Variants in AP5B1 observed in about 807,000 individuals in gnomAD.
AP5B1 encodes AP-5 complex subunit beta-1.
Under a neutral mutation model 5.7 loss-of-function variants are expected in AP5B1, and 3 were observed. The observed-to-expected ratio is 0.53, with a 90% CI of 0.24 to 1.36. The LOEUF is 1.36. Ranked by LOEUF, AP5B1 falls within the 40% of genes most tolerant of loss-of-function variation. The pLI is 0.17. For missense variants in AP5B1, 1,310 were observed against 1,143.2 expected (o/e 1.15, Z -2.10); for synonymous variants, 696 against 555.5 (o/e 1.25, Z -3.56).
At position 65,778,287 on chromosome 11, in the gene AP5B1, C is replaced by A. The variant is rs759998248; in HGVS notation, c.2206G>T (p.Ala736Ser). ...TAAAGGGCATGGACATCCAGCCGTGCGGGGGCCGGGCATCGGGGCTGCAGA... is the reference window on the plus strand; with the variant it reads ...TAAAGGGCATGGACATCCAGCCGTGAGGGGGCCGGGCATCGGGGCTGCAGA... The part of the protein sequence containing the change: ...LPLQPRCPAP[A>S]RLDVHALYTT... Residue 736 changes from alanine (A) to serine (S), a missense_variant, in exon 2 of 2, where the codon GCA becomes TCA. Physicochemically the swap from Ala to Ser is moderately conservative, Grantham distance 99. Transcript: ENST00000532090. 1.9e-6 allele frequency: 3 copies of A among 1,613,036 alleles called. No individual in the cohort carries two copies.
chr11:65,777,297 T>A lies in AP5B1; in HGVS notation c.*559A>T, dbSNP rs1857776539. The A allele has an allele frequency of 6.5e-6, 1 of 152,864 alleles. No homozygotes were observed. The highest frequency in any genetic ancestry group is 1.5e-5 in the Non-Finnish European group (1 of 68,614). 9.5% of individuals were successfully genotyped at this position (152,864 alleles called of 1,614,324 possible). A position where few individuals can be genotyped will look rare whatever the true frequency, so the allele number is the denominator to read the frequency against. On this transcript the variant is annotated 3_prime_UTR_variant, in exon 2 of 2. Transcript: ENST00000532090. ...TCTGGAGAGCACTAGTGTGTCTGGG[T>A]GAGAAGGAACTCTGTAGCTCTACAG...
Position 65,780,561 on chromosome 11 carries a change from G to A in AP5B1, c.31C>T (p.Gln11Ter). 1.3e-6 allele frequency: 2 copies of A among 1,490,628 alleles called. No homozygotes were observed. Among genetic ancestry groups the A allele is most frequent in the Non-Finnish European group, 1.8e-6 (2 of 1,125,300 alleles). 92.3% of individuals were successfully genotyped at this position (1,490,628 alleles called of 1,614,324 possible). A position where few individuals can be genotyped will look rare whatever the true frequency, so the allele number is the denominator to read the frequency against. Reference sequence around the variant, plus strand: ...CTGGCCCGGAAGGCCCCCAAGCGCTGGGCCCAGGCGTCCCGGCTCAGGGGC... The same window carrying A: ...CTGGCCCGGAAGGCCCCCAAGCGCTAGGCCCAGGCGTCCCGGCTCAGGGGC... MGPLSRDAWA[Q>*]RLGAFRASPS... Residue 11 changes from glutamine to a stop codon, truncating the protein, a stop_gained, in exon 1 of 2, where the codon CAG becomes TAG. Transcript: ENST00000532090. LOFTEE classifies it high-confidence loss of function.
chr11:65,780,508 C>G lies in AP5B1; in HGVS notation c.84G>C (p.Glu28Asp), dbSNP rs1211188870. ...GCAGGTCGCGACCCAAATCCTCCCC[C>G]TCGGGACCTGCCATGAAGGCAGACG... is the stretch of plus-strand genomic sequence containing the variant. ...ASPSAFMAGPEGEDLGRDLLS... is the reference protein window; with the variant it reads ...ASPSAFMAGPDGEDLGRDLLS... Residue 28 changes from glutamate (E) to aspartate (D), a missense_variant, in exon 1 of 2, where the codon GAG becomes GAC. Glu to Asp is a conservative substitution (Grantham distance 45). Coordinates refer to ENST00000532090, the MANE Select transcript of AP5B1 (RefSeq NM_138368.5). The G allele has an allele frequency of 6.6e-7, 1 of 1,520,056 alleles. No individual in the cohort carries two copies. The highest frequency in any genetic ancestry group is 8.8e-7 in the Non-Finnish European group (1 of 1,140,644). 94.2% of individuals were successfully genotyped at this position (1,520,056 alleles called of 1,614,324 possible). A position where few individuals can be genotyped will look rare whatever the true frequency, so the allele number is the denominator to read the frequency against.
rs1402512734 is a variant in AP5B1, at chr11:65,776,383, C to T, written c.*1473G>A. On this transcript the variant is annotated 3_prime_UTR_variant, in exon 2 of 2. Transcript: ENST00000532090. ...GTAATGGAAACCTGCTACCAGATGA[C>T]AAAACACTATTACCAAACAGCTGGG... 6.6e-6 allele frequency: 1 copy of T among 152,206 alleles called. No individual in the cohort carries two copies. The highest frequency in any genetic ancestry group is 1.9e-4 in the East Asian group (1 of 5,196). 9.4% of individuals were successfully genotyped at this position (152,206 alleles called of 1,614,324 possible). A position where few individuals can be genotyped will look rare whatever the true frequency, so the allele number is the denominator to read the frequency against.
In AP5B1 at chr11:65,779,863, C is replaced by A; in HGVS notation, c.630G>T (p.Leu210=). Reference sequence around the variant, plus strand: ...CAGTTGGGGAGACCTTATCCGTGAGCAGTCCCCCCAGGCCAGCCCCAACCC... The same window carrying A: ...CAGTTGGGGAGACCTTATCCGTGAGAAGTCCCCCCAGGCCAGCCCCAACCC... ...QSRVGAGLGG[L]LTDKVSPTGG... The change falls in exon 2 of 2, where the codon CTG becomes CTT. Residue 210 remains leucine (L), a synonymous_variant. Transcript: ENST00000532090. 1 of 1,596,686 alleles carries A rather than the reference C, an allele frequency of 6.3e-7. No homozygotes were observed. The highest frequency in any genetic ancestry group is 8.5e-7 in the Non-Finnish European group (1 of 1,171,256).
Position 65,780,160 on chromosome 11 carries a change from G to A in AP5B1, c.333C>T (p.Gly111=). ...GCCGGCAGGAGGCGCCCGAGGTGGG[G>A]CCCAGCGCGCCGCCCGCCGCCAGGG... ...TTALAAGGAL[G]PTSGASCRLL... is the part of the protein sequence containing the mutation. Residue 111 remains glycine (G), a synonymous_variant, in exon 2 of 2, where the codon GGC becomes GGT. Transcript: ENST00000532090. 1.4e-6 allele frequency: 2 copies of A among 1,477,424 alleles called. No homozygotes were observed. Among genetic ancestry groups the A allele is most frequent in the Non-Finnish European group, 8.9e-7 (1 of 1,118,736 alleles). The allele number at this position is 1,477,424 out of a possible 1,614,324, so 91.5% of individuals were successfully genotyped here.
rs555057400 is a variant in AP5B1, at chr11:65,776,047, C to G, written c.*1809G>C. On this transcript the variant is annotated 3_prime_UTR_variant, in exon 2 of 2. Coordinates refer to ENST00000532090, the MANE Select transcript of AP5B1 (RefSeq NM_138368.5). ...CTGGGATTACAGGCGCCCGCCACCA[C>G]GCCCGGCTAATTTTTGTATTTTTAT... 6.6e-6 allele frequency: 1 copy of G among 152,200 alleles called. No homozygotes were observed. The highest frequency in any genetic ancestry group is 2.4e-5 in the African/African-American group (1 of 41,434). 9.4% of individuals were successfully genotyped at this position (152,200 alleles called of 1,614,324 possible). A position where few individuals can be genotyped will look rare whatever the true frequency, so the allele number is the denominator to read the frequency against.
chr11:65,775,526 C>T lies in AP5B1; in HGVS notation c.*2330G>A, dbSNP rs545481861. On this transcript the variant is annotated 3_prime_UTR_variant, in exon 2 of 2. Coordinates refer to ENST00000532090, the MANE Select transcript of AP5B1 (RefSeq NM_138368.5). The stretch of plus-strand genomic sequence containing the variant: ...GATGTTCAGTCCTTCTGCAGCAGCA[C>T]CACGCTTCTGGCTTTGTGGGTGTCA... 6.6e-6 allele frequency among the ~76,000 whole-genome samples: 1 copy of T among 152,314 alleles called. No individual in the cohort carries two copies. Among genetic ancestry groups the T allele is most frequent in the Non-Finnish European group, 1.5e-5 (1 of 68,022 alleles).
In AP5B1 at chr11:65,778,361, T is replaced by C. The variant is rs760793185; in HGVS notation, c.2132A>G (p.His711Arg). 1.4e-5 allele frequency: 23 copies of C among 1,609,540 alleles called. No homozygotes were observed. The highest frequency in any genetic ancestry group is 1.4e-5 in the Non-Finnish European group (16 of 1,178,680). Residue 711 changes from histidine to arginine, a missense_variant, in exon 2 of 2, where the codon CAT becomes CGT. His to Arg is a conservative substitution (Grantham distance 29). Coordinates refer to ENST00000532090, the MANE Select transcript of AP5B1 (RefSeq NM_138368.5). Reference protein sequence around the residue: ...GQLYAPLEAVHVPCLCPGRPA... With the variant: ...GQLYAPLEAVRVPCLCPGRPA... ...GCGGCCAGGACACAGGCAGGGCACA[T>C]GGACAGCCTCCAGGGGTGCATACAG... is the stretch of plus-strand genomic sequence containing the variant.
Position 65,779,577 on chromosome 11 carries a change from C to T in AP5B1, c.916G>A (p.Ala306Thr), listed in dbSNP as rs765489660. 1 of 1,606,048 alleles carries T rather than the reference C, an allele frequency of 6.2e-7. No homozygotes were observed. The highest frequency in any genetic ancestry group is 2.2e-5 in the East Asian group (1 of 44,720). Residue 306 changes from alanine to threonine, a missense_variant, in exon 2 of 2, where the codon GCA (alanine) becomes ACA (threonine). By Grantham distance (58) the Ala-to-Thr change is moderately conservative. Coordinates refer to ENST00000532090, the MANE Select transcript of AP5B1 (RefSeq NM_138368.5). ...CGTACCAGCTGCGGCTTGAAGAGTG[C>T]CGGTGGCTGTCCCTGCAGACCCCGC... is the stretch of plus-strand genomic sequence containing the variant. Reference protein sequence around the residue: ...ALRGLQGQPPALFKPQLVRLL... With the variant: ...ALRGLQGQPPTLFKPQLVRLL...
chr11:65,780,692 C>A lies in AP5B1; in HGVS notation c.-101G>T. Reference sequence around the variant, plus strand: ...CGACCCCGAGGGGCTGCGGTCACCCCCAGACGCCGCGCAGATGCCGGCGGG... The same window carrying A: ...CGACCCCGAGGGGCTGCGGTCACCCACAGACGCCGCGCAGATGCCGGCGGG... On this transcript the variant is annotated 5_prime_UTR_variant, in exon 1 of 2. Coordinates refer to ENST00000532090, the MANE Select transcript of AP5B1 (RefSeq NM_138368.5). 8.3e-7 allele frequency: 1 copy of A among 1,211,196 alleles called. No homozygotes were observed. The highest frequency in any genetic ancestry group is 3.0e-5 in the South Asian group (1 of 33,010). 75.0% of individuals were successfully genotyped at this position (1,211,196 alleles called of 1,614,324 possible).
At position 65,775,330 on chromosome 11, in the gene AP5B1, T is replaced by C. The variant is rs1369631265; in HGVS notation, c.*2526A>G. Among the ~76,000 whole-genome samples the C allele has an allele frequency of 6.6e-6, 1 of 152,172 alleles. No homozygotes were observed. The highest frequency in any genetic ancestry group is 1.5e-5 in the Non-Finnish European group (1 of 68,030). Reference sequence around the variant, plus strand: ...GTCCTTACATGGACCAGTTTCCTTATTCTTAGGCTAAGGATTAGCATCTCC... The same window carrying C: ...GTCCTTACATGGACCAGTTTCCTTACTCTTAGGCTAAGGATTAGCATCTCC... On this transcript the variant is annotated 3_prime_UTR_variant, in exon 2 of 2. Coordinates refer to ENST00000532090, the MANE Select transcript of AP5B1 (RefSeq NM_138368.5).
chr11:65,774,346 G>A lies in AP5B1; in HGVS notation c.*3510C>T, dbSNP rs1022272612. On this transcript the variant is annotated 3_prime_UTR_variant, in exon 2 of 2. Coordinates refer to ENST00000532090, the MANE Select transcript of AP5B1 (RefSeq NM_138368.5). The stretch of plus-strand genomic sequence containing the variant: ...GTACTTCCCCAACGGTCATGGCAGA[G>A]GAAGAGAGGGCTGGAAAATTGAGCA... 1.3e-5 allele frequency among the ~76,000 whole-genome samples: 2 copies of A among 152,214 alleles called. No individual in the cohort carries two copies. Among genetic ancestry groups the A allele is most frequent in the Admixed American group, 6.5e-5 (1 of 15,290 alleles).
At position 65,774,078 on chromosome 11, in the gene AP5B1, G is replaced by A. The variant is rs144676517; in HGVS notation, c.*3778C>T. Among the ~76,000 whole-genome samples, 4 of 152,230 alleles carry A rather than the reference G, an allele frequency of 2.6e-5. No individual in the cohort carries two copies. Among genetic ancestry groups the A allele is most frequent in the African/African-American group, 9.6e-5 (4 of 41,538 alleles). On this transcript the variant is annotated 3_prime_UTR_variant, in exon 2 of 2. Coordinates refer to ENST00000532090, the MANE Select transcript of AP5B1 (RefSeq NM_138368.5). ...TCCCTATTTTGTTCATTCATGCTCG[G>A]CAGCTGTGTCTAAACCATAAAGGGA...
At position 65,779,511 on chromosome 11, in the gene AP5B1, G is replaced by A. The variant is rs779063435; in HGVS notation, c.982C>T (p.Leu328Phe). The A allele has an allele frequency of 6.2e-7, 1 of 1,604,856 alleles. No homozygotes were observed. The highest frequency in any genetic ancestry group is 2.2e-5 in the East Asian group (1 of 44,498). Residue 328 changes from leucine (L) to phenylalanine (F), a missense_variant, in exon 2 of 2, where the codon CTT (leucine) becomes TTT (phenylalanine). Physicochemically the swap from Leu to Phe is conservative, Grantham distance 22 (BLOSUM62 0). Coordinates refer to ENST00000532090, the MANE Select transcript of AP5B1 (RefSeq NM_138368.5). ...TAQLTLLHAM[L>F]ALKAAFGEAL... ...TCACCAAAGGCCGCCTTGAGCGCAA[G>A]CATGGCGTGCAACAGTGTCAGCTGT...
Position 65,778,719 on chromosome 11 carries a change from G to A in AP5B1, c.1774C>T (p.Leu592=). 1 of 1,591,304 alleles carries A rather than the reference G, an allele frequency of 6.3e-7. No individual in the cohort carries two copies. Among genetic ancestry groups the A allele is most frequent in the Non-Finnish European group, 8.5e-7 (1 of 1,170,622 alleles). Residue 592 remains leucine, a synonymous_variant, in exon 2 of 2, where the codon CTG becomes TTG. Coordinates refer to ENST00000532090, the MANE Select transcript of AP5B1 (RefSeq NM_138368.5). Reference sequence around the variant, plus strand: ...GCCAGCACCTGCAGCAAGTCGACCAGGCCGCCCCTCACCCCTGCCCGCAGC... The same window carrying A: ...GCCAGCACCTGCAGCAAGTCGACCAAGCCGCCCCTCACCCCTGCCCGCAGC... ...ALLRAGVRGG[L]VDLLQVLARQ... is the part of the protein sequence containing the mutation.
Position 65,777,688 on chromosome 11 carries a change from CAG to C in AP5B1, c.*166_*167del. On this transcript the variant is annotated 3_prime_UTR_variant, in exon 2 of 2. Transcript: ENST00000532090. ...AGGGATCTTGCTAGAGCAGCAAAAACAGACTCAGACAGACCCTCACCCCCAGG... is the reference window on the plus strand; with the variant it reads ...AGGGATCTTGCTAGAGCAGCAAAAACACTCAGACAGACCCTCACCCCCAGG... 1.3e-6 allele frequency: 1 copy of C among 743,896 alleles called. No homozygotes were observed. Among genetic ancestry groups the C allele is most frequent in the Non-Finnish European group, 2.1e-6 (1 of 476,766 alleles). 46.1% of individuals were successfully genotyped at this position (743,896 alleles called of 1,614,324 possible).
chr11:65,780,241 GA>G lies in AP5B1; in HGVS notation c.251del (p.Leu84ProfsTer74). 6 of 1,514,346 alleles carry G rather than the reference GA, an allele frequency of 4.0e-6. No individual in the cohort carries two copies. Among genetic ancestry groups the G allele is most frequent in the Non-Finnish European group, 5.3e-6 (6 of 1,135,002 alleles). 93.8% of individuals were successfully genotyped at this position (1,514,346 alleles called of 1,614,324 possible). On this transcript the variant is annotated frameshift_variant, in exon 2 of 2. Transcript: ENST00000532090. LOFTEE classifies it low-confidence loss of function (END_TRUNC). The stretch of plus-strand genomic sequence containing the variant: ...GGAGAGCTGAGGGCCGCGGGGGTAG[GA>G]GGACCAAGGTGTCCAACAGGGAGGT... ...AATSLLDTLVLLPPRPSALRR... is the reference protein window; with the variant it reads ...AATSLLDTLVXLPPRPSALRR...
rs778687345 is a variant in AP5B1, at chr11:65,780,259, C to T, written c.234G>A (p.Leu78=). ...ASAAEVAATS[L]LDTLVLLPPR... ...GGGGTAGGAGGACCAAGGTGTCCAA[C>T]AGGGAGGTGGCGGCCACTTCGGCCG... The change falls in exon 2 of 2, where the codon CTG becomes CTA. Residue 78 remains leucine (L), a synonymous_variant. Coordinates refer to ENST00000532090, the MANE Select transcript of AP5B1 (RefSeq NM_138368.5). 9 of 1,509,940 alleles carry T rather than the reference C, an allele frequency of 6.0e-6. No homozygotes were observed. In the South Asian group the frequency reaches 1.2e-4, roughly 20 times the overall value. 93.5% of individuals were successfully genotyped at this position (1,509,940 alleles called of 1,614,324 possible).
Sources: gnomAD v4.1 joint callset for allele counts (sites outside exome capture counted in the v4.1 genomes callset) on GRCh38, gnomAD v4.1.1 for gene constraint, MANE v1.5 for transcripts, NCBI Gene and HGNC (gene_info 2026-07-23, HGNC 2026-07-21) for gene names.